The following PTHLH variants were observed in gnomAD, a reference collection of about 807,000 sequenced individuals.
PTHLH encodes parathyroid hormone like hormone, also known as parathyroid hormone-related protein.
Under a neutral mutation model 18.6 loss-of-function variants are expected in PTHLH, and 5 were observed. The ratio of observed to expected loss-of-function variants is 0.27; its 90% CI spans 0.14 to 0.56. The LOEUF (loss-of-function observed/expected upper bound fraction) is 0.56, where lower values mean the gene tolerates loss of function less well. PTHLH is among the 20% of genes least tolerant of loss of function. The pLI, the probability that PTHLH is intolerant of heterozygous loss-of-function variation, is 0.92. For missense variants in PTHLH, 207 were observed against 223.9 expected (o/e 0.92, Z 0.48); for synonymous variants, 90 against 94.0 (o/e 0.96, Z 0.25).
At chr12:27,970,629 C>G (rs2062863601) in intron 2 of PTHLH, among the ~76,000 whole-genome samples, 3 of 151,980 alleles carry the variant, frequency 2.0e-5, no homozygotes, top group Admixed American at 2.0e-4. Flanking sequence ...AGCCGAGATC[C>G]CCGAGGGCGT....
chr12:27,964,753 C>T (rs534002960), intron 4 of PTHLH, among the ~76,000 whole-genome samples: 12 of 152,192 alleles, frequency 7.9e-5, no homozygotes, highest in African/African-American at 2.4e-4. Context: ...ATGAAAATAT[C>T]GTGAGAAAGA....
At chr12:27,968,109 A>G (rs898932694) in intron 4 of PTHLH, among the ~76,000 whole-genome samples, 5 of 152,250 alleles carry the variant, frequency 3.3e-5, no homozygotes, top group African/African-American at 1.2e-4. Context: ...AAAAGTCTGA[A>G]GACAATTTTC....
At chr12:27,961,413 A>G (rs1274958520) in intron 5 of PTHLH, among the ~76,000 whole-genome samples, 1 of 147,706 alleles carries the variant, frequency 6.8e-6, no homozygotes, top group Non-Finnish European at 1.5e-5. Flanking sequence ...GGATACAATC[A>G]GAACTAGGTC....
rs557870156 is a variant in PTHLH, at chr12:27,964,703, G to A, written c.102-933C>T. Among the ~76,000 whole-genome samples, 85 of 151,896 alleles carry A rather than the reference G, an allele frequency of 5.6e-4. 1 individual carries two copies. The highest frequency in any genetic ancestry group is 1.7e-3 in the African/African-American group (72 of 41,454). On this transcript the variant is annotated intron_variant, in intron 4 of 5. Transcript: ENST00000545234. ...CTCTCTTTGTCTTAAAATTCTCTAGGAAAAAATATAAAGGATTTTTCTATT... is the reference window on the plus strand; with the variant it reads ...CTCTCTTTGTCTTAAAATTCTCTAGAAAAAAATATAAAGGATTTTTCTATT...
intron 5 of PTHLH, among the ~76,000 whole-genome samples, chr12:27,960,981 G>A (rs919507745): frequency 3.6e-4 from 54 of 151,892 alleles, no homozygotes; most frequent in African/African-American, 1.1e-3. Flanking sequence ...AACCTCTGTT[G>A]GATTGTGTTG....
chr12:27,972,474 T>A (rs2062878216), intron 1 of PTHLH, 49 bp downstream of exon 1: 1 of 152,138 alleles, frequency 6.6e-6, no homozygotes, highest in Admixed American at 6.5e-5. Flanking sequence ...AAATAAATAG[T>A]CTTTATATAC....
At chr12:27,963,792 G>T (rs1250269899) in intron 4 of PTHLH, 22 bp from the exon 5 acceptor site, 1 of 1,611,534 alleles carries the variant, frequency 6.2e-7, no homozygotes, top group South Asian at 1.1e-5. Flanking sequence ...AATATTAGAG[G>T]GGAAGAAAAC....
chr12:27,960,144 G>A (rs879424719), intron 5 of PTHLH, among the ~76,000 whole-genome samples: 5 of 152,146 alleles, frequency 3.3e-5, no homozygotes, highest in Non-Finnish European at 7.3e-5. Flanking sequence ...ACACCTAACA[G>A]GATCTAAAAG....
At chr12:27,971,866 A>G (rs1458646120) in intron 2 of PTHLH, 61 bp downstream of exon 2, 2 of 152,104 alleles carry the variant, frequency 1.3e-5, no homozygotes, top group Non-Finnish European at 2.9e-5. Context: ...AAGGATTTCT[A>G]AATGTTAGAC....
intron 2 of PTHLH, among the ~76,000 whole-genome samples, chr12:27,970,782 A>ACG (rs1481785518): frequency 6.6e-6 from 1 of 152,112 alleles, no homozygotes; most frequent in East Asian, 1.9e-4. Flanking sequence ...CGCGGAGAGG[A>ACG]CGCGGGCTGT....
In PTHLH at chr12:27,958,359, T is replaced by A; in HGVS notation, c.*200A>T. ...TGGACAAAATAAATTATGGTAAATG[T>A]GATAATAATAATTGGATTAGCCTTG... On this transcript the variant is annotated 3_prime_UTR_variant, in exon 6 of 6. Coordinates refer to ENST00000545234, the MANE Select transcript of PTHLH (RefSeq NM_198965.2). 2.4e-6 allele frequency: 1 copy of A among 412,814 alleles called. No individual in the cohort carries two copies. The highest frequency in any genetic ancestry group is 4.3e-6 in the Non-Finnish European group (1 of 232,442). The allele number at this position is 412,814 out of a possible 1,614,324, so 25.6% of individuals were successfully genotyped here.
intron 5 of PTHLH, chr12:27,962,995 T>A: frequency 2.6e-6 from 3 of 1,170,680 alleles, no homozygotes; most frequent in Middle Eastern, 3.7e-4. Flanking sequence ...GGTGTGAGAG[T>A]AAGGGGAAGA....
chr12:27,960,730 A>T (rs1002385757), intron 5 of PTHLH, among the ~76,000 whole-genome samples: 17 of 152,108 alleles, frequency 1.1e-4, no homozygotes, highest in African/African-American at 3.1e-4. Flanking sequence ...AAAAAAAAAA[A>T]AAAAAAGAAT....
chr12:27,969,587 CTT>C, intron 3 of PTHLH, 71 bp from the exon 4 acceptor site: 1 of 1,282,020 alleles, frequency 7.8e-7, no homozygotes, highest in Non-Finnish European at 1.1e-6. Flanking sequence ...TCCGCTCCCC[CTT>C]TTTAGCCCGC....
rs919475575 is a variant in PTHLH, at chr12:27,972,675, G to A, written c.-511C>T. 1.3e-5 allele frequency: 2 copies of A among 152,108 alleles called. No individual in the cohort carries two copies. Among genetic ancestry groups the A allele is most frequent in the African/African-American group, 4.8e-5 (2 of 41,366 alleles). The allele number at this position is 152,108 out of a possible 1,614,324, so 9.4% of individuals were successfully genotyped here. ...AAAAGCTTCTTGAAAGGAGACTTCT[G>A]TTCCCACTAAAGGCAATTATTAGAA... On this transcript the variant is annotated 5_prime_UTR_variant, in exon 1 of 6. Coordinates refer to ENST00000545234, the MANE Select transcript of PTHLH (RefSeq NM_198965.2).
At chr12:27,961,742 C>T (rs2062763387) in intron 5 of PTHLH, 3 of 492,536 alleles carry the variant, frequency 6.1e-6, no homozygotes, top group East Asian at 6.5e-5. Context: ...ATTACTGAAG[C>T]TGTACTACTT....
At chr12:27,962,431 G>A (rs1395786496) in intron 5 of PTHLH, 1 of 551,958 alleles carries the variant, frequency 1.8e-6, no homozygotes, top group African/African-American at 2.1e-5. Flanking sequence ...ATATTTCACA[G>A]AAGATGTAAG....
At chr12:27,963,983 C>T (rs958599710) in intron 4 of PTHLH, among the ~76,000 whole-genome samples, 1 of 152,062 alleles carries the variant, frequency 6.6e-6, no homozygotes, top group African/African-American at 2.4e-5. Context: ...CCAGTTCTAC[C>T]ACTCACTAGG....
At position 27,958,195 on chromosome 12, in the gene PTHLH, T is replaced by C. The variant is rs1400112474; in HGVS notation, c.*364A>G. 4.8e-5 allele frequency: 8 copies of C among 167,902 alleles called. No individual in the cohort carries two copies. The highest frequency in any genetic ancestry group is 1.7e-4 in the African/African-American group (7 of 42,170). The allele number at this position is 167,902 out of a possible 1,614,324, so 10.4% of individuals were successfully genotyped here. ...TTGGATAATTATATTTAGGCATTCA[T>C]TAAAATCAACCACAAAATAGAGACA... is the stretch of plus-strand genomic sequence containing the variant. On this transcript the variant is annotated 3_prime_UTR_variant, in exon 6 of 6. Coordinates refer to ENST00000545234, the MANE Select transcript of PTHLH (RefSeq NM_198965.2).
Sources: allele counts gnomAD v4.1 joint callset (sites outside exome capture counted in the v4.1 genomes callset), GRCh38; gene constraint gnomAD v4.1.1; transcripts MANE v1.5; gene names NCBI Gene and HGNC (gene_info 2026-07-23, HGNC 2026-07-21).